CATSPERB: variants seen among roughly 807,000 people sequenced by gnomAD.
CATSPERB encodes the protein catsper channel auxiliary subunit beta.
In CATSPERB, 93 loss-of-function variants were observed where a neutral mutation model predicts 128.3. The observed-to-expected ratio is 0.72, with a 90% CI of 0.61 to 0.86. The LOEUF (loss-of-function observed/expected upper bound fraction) is 0.86. CATSPERB is among the 40% of genes least tolerant of loss of function. The probability of loss-of-function intolerance (pLI) is 0.00; values close to 1 mark genes in which losing one functional copy is unlikely to be tolerated. For missense variants in CATSPERB, 1,153 were observed against 1,329.5 expected, an observed-to-expected ratio of 0.87 and a Z score of 2.06; for synonymous variants, 381 against 448.8, an observed-to-expected ratio of 0.85 and a Z score of 1.91.
intron 22 of CATSPERB, among the ~76,000 whole-genome samples, chr14:91,596,296 C>T (rs889285198): frequency 9.9e-5 from 15 of 151,968 alleles, no homozygotes; most frequent in East Asian, 1.9e-4. Context: ...CTCCGCCTCC[C>T]GGGTTCACGC....
chr14:91,703,249 G>A (rs1162036292), intron 7 of CATSPERB, among the ~76,000 whole-genome samples: 1 of 152,116 alleles, frequency 6.6e-6, no homozygotes, highest in Non-Finnish European at 1.5e-5. Flanking sequence ...AATGTGTAAT[G>A]ACATTGTGAT....
At chr14:91,722,679 C>T (rs979255878) in intron 4 of CATSPERB, among the ~76,000 whole-genome samples, 13 of 151,604 alleles carry the variant, frequency 8.6e-5, no homozygotes, top group Admixed American at 6.6e-4. Context: ...AAAGTTGTTG[C>T]CAAAAAAGAG....
intron 20 of CATSPERB, among the ~76,000 whole-genome samples, chr14:91,611,127 GAATATAGAAAACTAAAA>G (rs1327319524): frequency 3.3e-5 from 5 of 151,800 alleles, no homozygotes; most frequent in Admixed American, 6.6e-5. Context: ...ATATAGTGAA[GAATATAGAAAACTAAAA>G]AATATAGAAA....
intron 22 of CATSPERB, among the ~76,000 whole-genome samples, chr14:91,600,653 A>G (rs1439165248): frequency 6.6e-6 from 1 of 152,274 alleles, no homozygotes; most frequent in Admixed American, 6.5e-5. Context: ...CCTATGGAAT[A>G]ATTTCACTGT....
intron 22 of CATSPERB, 130 bp from the exon 23 acceptor site, chr14:91,592,132 T>C (rs1595137426): frequency 2.9e-6 from 2 of 683,768 alleles, no homozygotes; most frequent in Admixed American, 2.6e-5. Context: ...GGGAAAGCAA[T>C]TCATTAATAA....
chr14:91,679,471 T>C (rs1895244233), intron 11 of CATSPERB, among the ~76,000 whole-genome samples: 2 of 152,170 alleles, frequency 1.3e-5, no homozygotes, highest in African/African-American at 4.8e-5. Flanking sequence ...GCCATATCCA[T>C]GGATGGCCTA....
intron 16 of CATSPERB, among the ~76,000 whole-genome samples, chr14:91,638,598 C>A (rs959694470): frequency 1.3e-5 from 2 of 152,008 alleles, no homozygotes; most frequent in African/African-American, 4.8e-5. Context: ...TTTTTTAATT[C>A]TTTGGTAGAG....
intron 10 of CATSPERB, among the ~76,000 whole-genome samples, chr14:91,688,574 C>T (rs1397149685): frequency 1.3e-5 from 2 of 152,060 alleles, no homozygotes; most frequent in African/African-American, 4.8e-5. Context: ...CCTGTTAGCC[C>T]TTCTGGATCT....
intron 20 of CATSPERB, among the ~76,000 whole-genome samples, chr14:91,611,026 C>T (rs1178310430): frequency 6.6e-6 from 1 of 152,128 alleles, no homozygotes; most frequent in East Asian, 1.9e-4. Flanking sequence ...GAACTTGTAG[C>T]CACTAGAACT....
intron 2 of CATSPERB, among the ~76,000 whole-genome samples, chr14:91,726,772 A>G (rs1232257211): frequency 7.9e-5 from 12 of 152,322 alleles, no homozygotes; most frequent in South Asian, 4.1e-4. Flanking sequence ...TCAGCTTTAC[A>G]CATCTGCTGG....
chr14:91,629,934 G>A (rs541956124), intron 17 of CATSPERB, among the ~76,000 whole-genome samples: 6 of 152,264 alleles, frequency 3.9e-5, no homozygotes, highest in African/African-American at 1.4e-4. Flanking sequence ...GTTGAGTGGA[G>A]AAAACACTGC....
chr14:91,726,480 C>T (rs1896122406), intron 2 of CATSPERB, among the ~76,000 whole-genome samples: 2 of 152,222 alleles, frequency 1.3e-5, no homozygotes, highest in Non-Finnish European at 2.9e-5. Context: ...CCAAAATTTA[C>T]TGGGGCAAAA....
At chr14:91,649,977 G>C (rs550065466) in intron 15 of CATSPERB, among the ~76,000 whole-genome samples, 1 of 152,182 alleles carries the variant, frequency 6.6e-6, no homozygotes, top group East Asian at 1.9e-4. Context: ...CTTTGCTGTT[G>C]TAATTGCTAA....
intron 20 of CATSPERB, among the ~76,000 whole-genome samples, chr14:91,614,996 G>GT (rs1489908490): frequency 6.6e-6 from 1 of 152,030 alleles, no homozygotes; most frequent in East Asian, 1.9e-4. Context: ...TAGCAATTCT[G>GT]AAACGTACAA....
chr14:91,634,526 G>T (rs987225480), intron 17 of CATSPERB, among the ~76,000 whole-genome samples: 1 of 151,114 alleles, frequency 6.6e-6, no homozygotes, highest in Non-Finnish European at 1.5e-5. Flanking sequence ...TCTACCCAAA[G>T]GAAAAGAAGT....
Position 91,608,293 on chromosome 14 carries a change from C to T in CATSPERB, c.2709+1G>A. On this transcript the variant is annotated splice_donor_variant, in intron 22 of 26. Transcript: ENST00000256343. LOFTEE classifies it high-confidence loss of function. Reference sequence around the variant, plus strand: ...AGATTATTTGTAAAAAAGTTATTTACCTTTGACATGTGAAACATGTTTCTT... The same window carrying T: ...AGATTATTTGTAAAAAAGTTATTTATCTTTGACATGTGAAACATGTTTCTT... The T allele has an allele frequency of 6.3e-7, 1 of 1,576,210 alleles. No homozygotes were observed. Among genetic ancestry groups the T allele is most frequent in the Non-Finnish European group, 8.7e-7 (1 of 1,148,562 alleles).
Position 91,669,872 on chromosome 14 carries a change from G to A in CATSPERB, c.1229C>T (p.Ser410Phe). ...PIFRFPSSFS[S>F]PVGMVFHPRS... ...GGGATGAAATACCATTCCAACGGGAGAAGAGAATGATGAAGGAAACCGAAA... is the reference window on the plus strand; with the variant it reads ...GGGATGAAATACCATTCCAACGGGAAAAGAGAATGATGAAGGAAACCGAAA... Residue 410 changes from serine to phenylalanine, a missense_variant, in exon 14 of 27, where the codon TCT (serine) becomes TTT (phenylalanine). Coordinates refer to ENST00000256343, the MANE Select transcript of CATSPERB (RefSeq NM_024764.4). 1.2e-6 allele frequency: 2 copies of A among 1,613,902 alleles called. No homozygotes were observed. The highest frequency in any genetic ancestry group is 1.7e-6 in the Non-Finnish European group (2 of 1,179,974).
At chr14:91,666,481 C>A (rs1265163250) in intron 14 of CATSPERB, among the ~76,000 whole-genome samples, 1 of 152,186 alleles carries the variant, frequency 6.6e-6, no homozygotes, top group African/African-American at 2.4e-5. Context: ...TCCCACAGGA[C>A]AAAACTTCTT....
chr14:91,716,398 G>A (rs538303344), intron 5 of CATSPERB, among the ~76,000 whole-genome samples: 2 of 152,108 alleles, frequency 1.3e-5, no homozygotes, highest in East Asian at 3.9e-4. Context: ...TCAACATGGC[G>A]AAACCCTGTT....
Sources: allele counts gnomAD v4.1 joint callset (sites outside exome capture counted in the v4.1 genomes callset), GRCh38; gene constraint gnomAD v4.1.1; transcripts MANE v1.5; gene names NCBI Gene and HGNC (gene_info 2026-07-23, HGNC 2026-07-21).